DNAJC5B: variants seen among roughly 807,000 people sequenced by gnomAD.
The protein encoded by DNAJC5B is dnaJ homolog subfamily C member 5B.
Under a neutral mutation model 24.7 loss-of-function variants are expected in DNAJC5B, and 23 were observed. The ratio of observed to expected loss-of-function variants is 0.93; its 90% CI spans 0.67 to 1.32. The LOEUF is 1.32. Among genes scored for constraint, DNAJC5B ranks in the 40% most tolerant of loss-of-function variants. DNAJC5B has a pLI of 0.00. For missense variants in DNAJC5B, 238 were observed against 240.8 expected (o/e 0.99, Z 0.08); for synonymous variants, 101 against 90.1 (o/e 1.12, Z -0.68).
chr8:66,098,333 A>AG (rs1807999247), intron 5 of DNAJC5B, among the ~76,000 whole-genome samples: 1 of 151,982 alleles, frequency 6.6e-6, no homozygotes, highest in Non-Finnish European at 1.5e-5. Flanking sequence ...CCTCCTGAAT[A>AG]CTGGGACCAC....
chr8:66,029,292 A>G (rs528544344), intron 1 of DNAJC5B, among the ~76,000 whole-genome samples: 2 of 152,338 alleles, frequency 1.3e-5, no homozygotes, highest in African/African-American at 4.8e-5. Context: ...AGCATGTGTA[A>G]AGACTCAGAG....
Position 66,088,262 on chromosome 8 carries a change from G to T in DNAJC5B, c.505+7714G>T, listed in dbSNP as rs115484492. On this transcript the variant is annotated intron_variant, in intron 5 of 5. Transcript: ENST00000276570. ...TCCAGCCTCATCTGGAGCTGGAGTG[G>T]CTGGGATGCAGGGCACCAAGTCTTG... Among the ~76,000 whole-genome samples, 1,489 of 152,290 alleles carry T rather than the reference G, an allele frequency of 9.8e-3. 20 individuals carry two copies. The highest frequency in any genetic ancestry group is 0.03 in the African/African-American group (1,231 of 41,564).
At chr8:66,066,440 T>C (rs1313847338) in intron 3 of DNAJC5B, among the ~76,000 whole-genome samples, 2 of 152,224 alleles carry the variant, frequency 1.3e-5, no homozygotes, top group Non-Finnish European at 2.9e-5. Context: ...ATGTACTTAT[T>C]GCAGCACAAT....
At chr8:66,058,331 T>C (rs2128960873) in intron 3 of DNAJC5B, among the ~76,000 whole-genome samples, 1 of 152,346 alleles carries the variant, frequency 6.6e-6, no homozygotes, top group South Asian at 2.1e-4. Flanking sequence ...GGAAACCCTG[T>C]AGTCCAGAAA....
intron 3 of DNAJC5B, among the ~76,000 whole-genome samples, chr8:66,068,429 A>G (rs1255940021): frequency 6.6e-6 from 1 of 152,100 alleles, no homozygotes; most frequent in Non-Finnish European, 1.5e-5. Flanking sequence ...AACCTTTACC[A>G]GGTTAGAGAG....
At chr8:66,069,576 T>G (rs777757874) in intron 3 of DNAJC5B, among the ~76,000 whole-genome samples, 1 of 152,020 alleles carries the variant, frequency 6.6e-6, no homozygotes, top group Non-Finnish European at 1.5e-5. Context: ...AATAGCCTAC[T>G]AACCAAAGAA....
At chr8:66,069,495 A>G (rs1439651769) in intron 3 of DNAJC5B, among the ~76,000 whole-genome samples, 1 of 152,090 alleles carries the variant, frequency 6.6e-6, no homozygotes, top group Admixed American at 6.6e-5. Flanking sequence ...GACACCCTCC[A>G]AAGTCTAAAC....
At position 66,026,866 on chromosome 8, in the gene DNAJC5B, C is replaced by T. The variant is rs529772938; in HGVS notation, c.-142+5161C>T. On this transcript the variant is annotated intron_variant, in intron 1 of 5. Transcript: ENST00000276570. ...CACTCTAGTTAGTGTCTTTTCCCCT[C>T]ATCTTTGCTGACCTCCGGAGGCATG... Among the ~76,000 whole-genome samples, 3 of 152,352 alleles carry T rather than the reference C, an allele frequency of 2.0e-5. No individual in the cohort carries two copies. The South Asian group carries it at 6.2e-4, about 32-fold the overall frequency.
Position 66,070,172 on chromosome 8 carries a change from C to T in DNAJC5B, c.120-6488C>T, listed in dbSNP as rs534593411. On this transcript the variant is annotated intron_variant, in intron 3 of 5. Coordinates refer to ENST00000276570, the MANE Select transcript of DNAJC5B (RefSeq NM_033105.6). ...CACAAGAAAAGGATGCCCTCTCTCA[C>T]CACTCCTATTCAACATAGCAGTGGA... Among the ~76,000 whole-genome samples the T allele has an allele frequency of 1.4e-4, 21 of 152,282 alleles. No homozygotes were observed. The East Asian group carries it at 3.1e-3, about 22-fold the overall frequency.
At chr8:66,048,788 T>C (rs1417962462) in intron 2 of DNAJC5B, among the ~76,000 whole-genome samples, 6 of 152,144 alleles carry the variant, frequency 3.9e-5, no homozygotes, top group Non-Finnish European at 8.8e-5. Context: ...AAGCAAGTGG[T>C]AGTGTTGCTT....
chr8:66,041,600 G>A (rs1806610274), intron 1 of DNAJC5B, among the ~76,000 whole-genome samples: 2 of 152,056 alleles, frequency 1.3e-5, no homozygotes, highest in African/African-American at 4.8e-5. Context: ...AGGACTTTTT[G>A]GTTCAATCTT....
At chr8:66,088,598 A>G (rs982642103) in intron 5 of DNAJC5B, among the ~76,000 whole-genome samples, 2 of 152,208 alleles carry the variant, frequency 1.3e-5, no homozygotes, top group African/African-American at 2.4e-5. Flanking sequence ...TTGTGAACAC[A>G]TATAACTGAA....
intron 3 of DNAJC5B, among the ~76,000 whole-genome samples, chr8:66,071,260 G>C (rs181463638): frequency 2.0e-5 from 3 of 152,132 alleles, no homozygotes; most frequent in Admixed American, 6.6e-5. Flanking sequence ...GAGTGAACAG[G>C]CAACCTACAG....
rs10092778 is a variant in DNAJC5B, at chr8:66,051,857, A to G, written c.119+191A>G. Among the ~76,000 whole-genome samples the G allele has an allele frequency of 8.2e-3, 1,244 of 152,322 alleles. 22 individuals are homozygous for G. Among genetic ancestry groups the G allele is most frequent in the African/African-American group, 0.028 (1,168 of 41,570 alleles). Reference sequence around the variant, plus strand: ...AGTGATTTTATGAAAGAACTCACTGATGATGCTGGGCCTTAGGAAAGGGCA... The same window carrying G: ...AGTGATTTTATGAAAGAACTCACTGGTGATGCTGGGCCTTAGGAAAGGGCA... On this transcript the variant is annotated intron_variant, in intron 3 of 5. Transcript: ENST00000276570.
At chr8:66,058,728 T>C (rs1753607770) in intron 3 of DNAJC5B, among the ~76,000 whole-genome samples, 1 of 152,238 alleles carries the variant, frequency 6.6e-6, no homozygotes, top group African/African-American at 2.4e-5. Flanking sequence ...AGCACCTTTT[T>C]CCTCTTTCAT....
chr8:66,074,478 G>A (rs925573822), intron 3 of DNAJC5B, among the ~76,000 whole-genome samples: 1 of 152,204 alleles, frequency 6.6e-6, no homozygotes, highest in African/African-American at 2.4e-5. Flanking sequence ...ATTAGATTTT[G>A]AAGTGGAAAT....
chr8:66,093,256 G>A (rs756891543), intron 5 of DNAJC5B, among the ~76,000 whole-genome samples: 2 of 152,046 alleles, frequency 1.3e-5, no homozygotes, highest in Non-Finnish European at 2.9e-5. Context: ...AGGTATATAC[G>A]GAGGATGCAA....
chr8:66,057,765 A>C (rs1370303386), intron 3 of DNAJC5B: 1 of 152,228 alleles, frequency 6.6e-6, no homozygotes, highest in South Asian at 2.1e-4. Flanking sequence ...AGGAAGTGAC[A>C]AAAGATTTTT....
At chr8:66,017,532 T>A (rs1447145604), upstream of DNAJC5B, among the ~76,000 whole-genome samples, 2 of 152,344 alleles carry the variant, frequency 1.3e-5, no homozygotes, top group East Asian at 3.9e-4. Context: ...AAGACCCGAA[T>A]TTAGATGTAC....
Sources: allele counts gnomAD v4.1 joint callset (sites outside exome capture counted in the v4.1 genomes callset), GRCh38; gene constraint gnomAD v4.1.1; transcripts MANE v1.5; gene names NCBI Gene and HGNC (gene_info 2026-07-23, HGNC 2026-07-21).